ZDHHC11B: variants seen among roughly 807,000 people sequenced by gnomAD.
ZDHHC11B encodes probable palmitoyltransferase ZDHHC11B.
In ZDHHC11B, 17 loss-of-function variants were observed where a neutral mutation model predicts 42.3. The ratio of observed to expected loss-of-function variants is 0.40; its 90% CI spans 0.27 to 0.60. ZDHHC11B has a LOEUF of 0.60. Ranked by LOEUF, ZDHHC11B falls within the 20% of genes least tolerant of loss-of-function variation. The pLI, the probability that ZDHHC11B is intolerant of heterozygous loss-of-function variation, is 0.41. For synonymous variants in ZDHHC11B, 123 were observed against 193.5 expected (o/e 0.64, Z 3.02); for missense variants, 262 against 463.2 (o/e 0.57, Z 3.99).
At chr5:716,993 C>T (rs1741801706) in intron 12 of ZDHHC11B, 128 bp from the exon 13 acceptor site, 2 of 1,331,788 alleles carry the variant, frequency 1.5e-6, no homozygotes, top group East Asian at 2.4e-5. Flanking sequence ...TGGGCAATCA[C>T]TTCACCTCTC....
chr5:779,724 G>T (rs377341630), intron 1 of ZDHHC11B, among the ~76,000 whole-genome samples: 5,078 of 150,360 alleles, frequency 0.034, 50 homozygotes, highest in Non-Finnish European at 0.049. Context: ...TCTTGGCGTG[G>T]GGGAAATTTG....
At chr5:743,149 C>A (rs1239485534) in intron 9 of ZDHHC11B, among the ~76,000 whole-genome samples, 20 of 148,930 alleles carry the variant, frequency 1.3e-4, no homozygotes, top group Non-Finnish European at 2.5e-4. Flanking sequence ...GATTTTAGTA[C>A]CATTATTTAA....
In ZDHHC11B at chr5:773,536, C is replaced by T. The variant is rs113351353; in HGVS notation, c.-229-4606G>A. Among the ~76,000 whole-genome samples, 1,044 of 151,620 alleles carry T rather than the reference C, an allele frequency of 6.9e-3. 28 individuals carry two copies. Among genetic ancestry groups the T allele is most frequent in the African/African-American group, 0.024 (979 of 41,120 alleles). On this transcript the variant is annotated intron_variant, in intron 1 of 13. Transcript: ENST00000508859. ...ACCATCCCACATGTGCCCTGCACTCCCAGGCCTGTGCCCACCATCTCAGCT... is the reference window on the plus strand; with the variant it reads ...ACCATCCCACATGTGCCCTGCACTCTCAGGCCTGTGCCCACCATCTCAGCT...
At chr5:714,792 T>C (rs1329308846) in intron 13 of ZDHHC11B, among the ~76,000 whole-genome samples, 8 of 144,106 alleles carry the variant, frequency 5.6e-5, no homozygotes. Context: ...TGAAATTTGA[T>C]CTCCATTGTT....
Position 739,100 on chromosome 5 carries a change from A to G in ZDHHC11B, c.935+2494T>C, listed in dbSNP as rs1322521546. On this transcript the variant is annotated intron_variant, in intron 10 of 13. Coordinates refer to ENST00000508859, the MANE Select transcript of ZDHHC11B (RefSeq NM_001351303.2). ...AAAGGAACTCAAACAAATCCGCAAA[A>G]AAAAAACAAATCATCCAATTGGGTG... 3.3e-5 allele frequency among the ~76,000 whole-genome samples: 5 copies of G among 150,502 alleles called. No homozygotes were observed. In the East Asian group the frequency reaches 7.9e-4, roughly 24 times the overall value.
Position 715,717 on chromosome 5 carries a change from G to A in ZDHHC11B, c.*7+1084C>T, listed in dbSNP as rs1318779013. ...TTTCACAGGTTTGCTGTCTCTCTGG[G>A]CTTTCAAGGTGATGTCTATTCCCAG... On this transcript the variant is annotated intron_variant, in intron 13 of 13. Coordinates refer to ENST00000508859, the MANE Select transcript of ZDHHC11B (RefSeq NM_001351303.2). Among the ~76,000 whole-genome samples, 3 of 151,410 alleles carry A rather than the reference G, an allele frequency of 2.0e-5. 1 individual carries two copies. The highest frequency in any genetic ancestry group is 7.3e-5 in the African/African-American group (3 of 40,974).
chr5:765,944 A>G (rs920435874), intron 4 of ZDHHC11B, among the ~76,000 whole-genome samples: 4 of 151,938 alleles, frequency 2.6e-5, no homozygotes, highest in Non-Finnish European at 5.9e-5. Flanking sequence ...CTCTAGTGAG[A>G]AATAACACAT....
chr5:783,490 T>G (rs1579478314), intron 1 of ZDHHC11B, among the ~76,000 whole-genome samples: 6 of 138,504 alleles, frequency 4.3e-5, no homozygotes, highest in Admixed American at 7.0e-5. Context: ...CGGGGAGGGG[T>G]GGCCGGGGTG....
intron 1 of ZDHHC11B, among the ~76,000 whole-genome samples, chr5:783,933 G>T (rs1472527240): frequency 6.7e-6 from 1 of 150,284 alleles, no homozygotes; most frequent in African/African-American, 2.4e-5. Flanking sequence ...GGAGGGACAG[G>T]CTTCTCACCT....
At chr5:742,945 C>T (rs966050115) in intron 9 of ZDHHC11B, among the ~76,000 whole-genome samples, 2 of 149,594 alleles carry the variant, frequency 1.3e-5, no homozygotes, top group Admixed American at 6.8e-5. Flanking sequence ...ATGCTTGTTT[C>T]TAGAAGTGTT....
At chr5:735,719 T>A (rs1743438289) in intron 10 of ZDHHC11B, among the ~76,000 whole-genome samples, 1 of 148,668 alleles carries the variant, frequency 6.7e-6, no homozygotes, top group Non-Finnish European at 1.5e-5. Flanking sequence ...CAAAACTATG[T>A]TTCCTAAATG....
chr5:762,661 A>G (rs431837), intron 4 of ZDHHC11B, among the ~76,000 whole-genome samples: 127,330 of 151,498 alleles, frequency 0.84, 53,866 homozygotes, highest in East Asian at 0.97. Context: ...GGGTCTGTGC[A>G]TGTGCTCACA....
rs182439733 is a variant in ZDHHC11B at position 719,585 on chromosome 5, A to C, written c.1059-2720T>G. Among the ~76,000 whole-genome samples the C allele has an allele frequency of 2.4e-4, 37 of 151,266 alleles. 1 individual carries two copies. The highest frequency in any genetic ancestry group is 8.3e-4 in the African/African-American group (34 of 41,012). On this transcript the variant is annotated intron_variant, in intron 12 of 13. Transcript: ENST00000508859. ...ATCTGAGCAAGCAGAAGAAAGGATCAGCTAACTTGAAGACAACCGAAATTA... is the reference window on the plus strand; with the variant it reads ...ATCTGAGCAAGCAGAAGAAAGGATCCGCTAACTTGAAGACAACCGAAATTA...
chr5:763,364 C>T (rs757391755), intron 4 of ZDHHC11B, among the ~76,000 whole-genome samples: 10 of 138,440 alleles, frequency 7.2e-5, no homozygotes, highest in Non-Finnish European at 1.4e-4. Context: ...AGTGAGACTC[C>T]CATCTCGGGA....
At chr5:766,970 G>A (rs745418558) in intron 3 of ZDHHC11B, 51 bp from the exon 4 acceptor site, 45 of 1,583,032 alleles carry the variant, frequency 2.8e-5, no homozygotes, top group Admixed American at 1.2e-4. Context: ...GGGGAGGGCC[G>A]GCCCCACCCA....
chr5:766,336 C>G (rs577052023), intron 4 of ZDHHC11B, among the ~76,000 whole-genome samples: 4 of 151,880 alleles, frequency 2.6e-5, no homozygotes, highest in Admixed American at 6.6e-5. Context: ...AGAACCAGGT[C>G]CCCCACCTGC....
intron 10 of ZDHHC11B, among the ~76,000 whole-genome samples, chr5:737,863 T>C (rs1390510764): frequency 7.0e-5 from 10 of 142,342 alleles, no homozygotes; most frequent in Non-Finnish European, 1.1e-4. Flanking sequence ...TGGGGAAAAG[T>C]TGAAAACATT....
chr5:776,334 G>A lies in ZDHHC11B; in HGVS notation c.-229-7404C>T, dbSNP rs1215418283. On this transcript the variant is annotated intron_variant, in intron 1 of 13. Coordinates refer to ENST00000508859, the MANE Select transcript of ZDHHC11B (RefSeq NM_001351303.2). ...AGCCCTGGGATGGCCCCTCTGCAACGCCCAGTGCTCCATCATGACCTGGAC... is the reference window on the plus strand; with the variant it reads ...AGCCCTGGGATGGCCCCTCTGCAACACCCAGTGCTCCATCATGACCTGGAC... Among the ~76,000 whole-genome samples, 7 of 151,842 alleles carry A rather than the reference G, an allele frequency of 4.6e-5. 1 individual carries two copies. The highest frequency in any genetic ancestry group is 1.9e-4 in the East Asian group (1 of 5,196).
chr5:763,545 G>C (rs149941797), intron 4 of ZDHHC11B, among the ~76,000 whole-genome samples: 148 of 151,856 alleles, frequency 9.7e-4, no homozygotes, highest in African/African-American at 3.6e-3. Flanking sequence ...CTAGACTGAG[G>C]GGCCTCCTGT....
Sources: allele counts gnomAD v4.1 joint callset (sites outside exome capture counted in the v4.1 genomes callset), GRCh38; gene constraint gnomAD v4.1.1; transcripts MANE v1.5; gene names NCBI Gene and HGNC (gene_info 2026-07-23, HGNC 2026-07-21).